Variants in ZNF365 observed in about 807,000 individuals in gnomAD.
The protein encoded by ZNF365 is zinc finger protein 365.
ZNF365 carries 22 observed loss-of-function variants against 35.0 expected under a neutral mutation model. The observed-to-expected ratio is 0.63, with a 90% confidence interval of 0.45 to 0.90. ZNF365 has a LOEUF of 0.90. Among genes scored for constraint, ZNF365 ranks in the 40% least tolerant of loss-of-function variants. The probability of loss-of-function intolerance (pLI) is 0.00; values close to 1 mark genes in which losing one functional copy is unlikely to be tolerated. For synonymous variants in ZNF365, 188 were observed against 196.2 expected, an observed-to-expected ratio of 0.96 and a Z score of 0.35; for missense variants, 448 against 500.3, an observed-to-expected ratio of 0.90 and a Z score of 1.00.
At chr10:62,429,521 T>C in intron 3 of ZNF365, among the ~76,000 whole-genome samples, 1 of 152,184 alleles carries the variant, frequency 6.6e-6, no homozygotes, top group East Asian at 1.9e-4. Context: ...TTAACTGTTA[T>C]GTGAGATTGG....
Position 62,388,610 on chromosome 10 carries a change from A to G in ZNF365, c.924+34A>G, listed in dbSNP as rs2893897. The G allele has an allele frequency of 1, 1,609,348 of 1,610,552 alleles. 804,084 individuals carry two copies. Among genetic ancestry groups the G allele is most frequent in the East Asian group, 1 (44,842 of 44,842 alleles). On this transcript the variant is annotated intron_variant, in intron 3 of 4. Coordinates refer to ENST00000395254, the MANE Select transcript of ZNF365 (RefSeq NM_014951.3). ...CCCCGGGCCAGCCACCGAGTGTAAGATCCCTGTGGTTGGTGAGAATGGGCT... is the reference window on the plus strand; with the variant it reads ...CCCCGGGCCAGCCACCGAGTGTAAGGTCCCTGTGGTTGGTGAGAATGGGCT...
intron 2 of ZNF365, among the ~76,000 whole-genome samples, chr10:62,381,022 C>T (rs1163225649): frequency 6.6e-6 from 1 of 152,070 alleles, no homozygotes; most frequent in African/African-American, 2.4e-5. Context: ...CTGTCTTTCC[C>T]TAAGGTGTTT....
At chr10:62,474,948 A>G (rs1287647993) in intron 4 of ZNF365, among the ~76,000 whole-genome samples, 1 of 152,008 alleles carries the variant, frequency 6.6e-6, no homozygotes, top group East Asian at 1.9e-4. Flanking sequence ...TCAATTTCCA[A>G]CCCTACTTCT....
intron 4 of ZNF365, among the ~76,000 whole-genome samples, chr10:62,470,745 A>G (rs966575564): frequency 6.6e-6 from 1 of 152,200 alleles, no homozygotes; most frequent in Non-Finnish European, 1.5e-5. Context: ...TCAAACTTTA[A>G]AATATAAATA....
chr10:62,458,073 A>G (rs1305315969), intron 3 of ZNF365, among the ~76,000 whole-genome samples: 1 of 152,220 alleles, frequency 6.6e-6, no homozygotes, highest in Non-Finnish European at 1.5e-5. Context: ...ATCTGTATGC[A>G]TGGGAAAAGA....
At chr10:62,410,371 CT>C (rs1005128240) in intron 3 of ZNF365, among the ~76,000 whole-genome samples, 2 of 152,064 alleles carry the variant, frequency 1.3e-5, no homozygotes, top group Admixed American at 1.3e-4. Context: ...CTCTCTCTCT[CT>C]TTTTTTGTCC....
At chr10:62,406,789 G>A (rs1382213879), downstream of ZNF365, among the ~76,000 whole-genome samples, 1 of 152,084 alleles carries the variant, frequency 6.6e-6, no homozygotes, top group Non-Finnish European at 1.5e-5. Flanking sequence ...CCATTTCTTG[G>A]CCAGTCTGTC....
At chr10:62,460,322 C>T (rs1840827266) in intron 4 of ZNF365, among the ~76,000 whole-genome samples, 1 of 152,124 alleles carries the variant, frequency 6.6e-6, no homozygotes, top group Admixed American at 6.5e-5. Context: ...ATTCAAGACC[C>T]GCAGTGGATG....
At chr10:62,379,148 AAGT>A (rs1441081830) in intron 2 of ZNF365, among the ~76,000 whole-genome samples, 2 of 150,702 alleles carry the variant, frequency 1.3e-5, no homozygotes, top group Non-Finnish European at 3.0e-5. Context: ...TCAGCCTCCC[AAGT>A]AGCTGGGGTT....
At chr10:62,464,848 T>A (rs945996284) in intron 4 of ZNF365, among the ~76,000 whole-genome samples, 22 of 152,220 alleles carry the variant, frequency 1.4e-4, no homozygotes, top group African/African-American at 5.3e-4. Flanking sequence ...ATGGTGATGG[T>A]GGCGGTGGCC....
Position 62,447,960 on chromosome 10 carries a change from T to C in ZNF365, c.925-11781T>C, listed in dbSNP as rs983102985. 2.0e-5 allele frequency among the ~76,000 whole-genome samples: 3 copies of C among 152,062 alleles called. No homozygotes were observed. The East Asian group carries it at 5.8e-4, about 29-fold the overall frequency. On this transcript the variant is annotated intron_variant, in intron 3 of 4. Coordinates refer to the ZNF365 transcript ENST00000395255. ...TGCCCCTAACCTTTTATTATGAAAA[T>C]TTTCAAACATCACAAAGTTGAAAGA...
At chr10:62,406,875 T>G (rs1167476047), downstream of ZNF365, among the ~76,000 whole-genome samples, 2 of 152,214 alleles carry the variant, frequency 1.3e-5, no homozygotes, top group Non-Finnish European at 2.9e-5. Flanking sequence ...GAACTGTATC[T>G]ACCCTGATGC....
chr10:62,418,898 G>GTATAATTT (rs3081227), intron 3 of ZNF365, among the ~76,000 whole-genome samples: 94,508 of 151,316 alleles, frequency 0.62, 30,002 homozygotes, highest in East Asian at 0.83. Flanking sequence ...TGCCAATGTG[G>GTATAATTT]TGTGATGACT....
At chr10:62,403,396 C>T (rs1394612000), downstream of ZNF365, among the ~76,000 whole-genome samples, 1 of 152,162 alleles carries the variant, frequency 6.6e-6, no homozygotes, top group South Asian at 2.1e-4. Flanking sequence ...CGGTGGCTCA[C>T]GCCTGTAATC....
At chr10:62,388,953 C>T (rs150176926) in intron 3 of ZNF365, among the ~76,000 whole-genome samples, 2,046 of 152,286 alleles carry the variant, frequency 0.013, 183 homozygotes, top group Admixed American at 0.12. Context: ...TCAAGAGAAT[C>T]TTACGAAATT....
chr10:62,379,723 C>T (rs1839403219), intron 2 of ZNF365, among the ~76,000 whole-genome samples: 1 of 152,202 alleles, frequency 6.6e-6, no homozygotes, highest in Non-Finnish European at 1.5e-5. Flanking sequence ...GATTTGACTG[C>T]ATCTGCCTGG....
chr10:62,442,576 A>G (rs1333378918), intron 3 of ZNF365, among the ~76,000 whole-genome samples: 1 of 152,132 alleles, frequency 6.6e-6, no homozygotes, highest in Non-Finnish European at 1.5e-5. Context: ...GGAGGGATGG[A>G]TGTCATTTGG....
intron 3 of ZNF365, among the ~76,000 whole-genome samples, chr10:62,432,231 G>C (rs938500395): frequency 6.6e-6 from 1 of 152,140 alleles, no homozygotes; most frequent in Non-Finnish European, 1.5e-5. Context: ...AGCATTGCTG[G>C]GAGCTGAGGG....
intron 2 of ZNF365, among the ~76,000 whole-genome samples, chr10:62,377,835 T>C (rs1371977264): frequency 6.6e-6 from 1 of 152,230 alleles, no homozygotes; most frequent in African/African-American, 2.4e-5. Flanking sequence ...GAGTAAAACA[T>C]CCTAAAAGGT....
Sources: allele counts gnomAD v4.1 joint callset (sites outside exome capture counted in the v4.1 genomes callset), GRCh38; gene constraint gnomAD v4.1.1; transcripts MANE v1.5; gene names NCBI Gene and HGNC (gene_info 2026-07-23, HGNC 2026-07-21).